Variants in KLHL29 observed in about 807,000 individuals in gnomAD.
KLHL29 encodes kelch like family member 29, also known as kelch-like protein 29.
In KLHL29, 21 loss-of-function variants were observed where a neutral mutation model predicts 80.4. The observed-to-expected ratio is 0.26, with a 90% CI of 0.19 to 0.38. The LOEUF (loss-of-function observed/expected upper bound fraction) is 0.38. Ranked by LOEUF, KLHL29 falls within the 10% of genes least tolerant of loss-of-function variation. The pLI, the probability that KLHL29 is intolerant of heterozygous loss-of-function variation, is 1.00. For synonymous variants in KLHL29, 511 were observed against 526.8 expected (o/e 0.97, Z 0.41); for missense variants, 867 against 1,223.9 (o/e 0.71, Z 4.35).
chr2:23,552,756 C>CTTTTTT (rs1238425324), intron 2 of KLHL29, among the ~76,000 whole-genome samples: 1 of 50,754 alleles, frequency 2.0e-5, no homozygotes, highest in Non-Finnish European at 3.7e-5. Context: ...GCTCTGGTTT[C>CTTTTTT]TTTTCTTTTT....
Position 23,695,431 on chromosome 2 carries a change from G to A in KLHL29, c.1543-192G>A, listed in dbSNP as rs969314589. Among the ~76,000 whole-genome samples, 13 of 151,776 alleles carry A rather than the reference G, an allele frequency of 8.6e-5. No individual in the cohort carries two copies. The highest frequency in any genetic ancestry group is 2.4e-4 in the African/African-American group (10 of 41,320). On this transcript the variant is annotated intron_variant, in intron 8 of 13. Coordinates refer to ENST00000486442, the MANE Select transcript of KLHL29 (RefSeq NM_052920.2). This position sits in a 1 kb window ranked among gnomAD's most constrained non-coding sequence, Gnocchi z 7.6. ...CTCCCCTCCGCACCCCTGCGCTCCC[G>A]GCCCTCCCCTCCACACCTCCAGCTG...
chr2:23,593,594 T>C (rs576193100), intron 3 of KLHL29, among the ~76,000 whole-genome samples: 1 of 152,122 alleles, frequency 6.6e-6, no homozygotes, highest in South Asian at 2.1e-4. Context: ...GGGGCAGTGG[T>C]GCGGAGGAGA....
At chr2:23,649,902 AGT>A (rs1670044749) in intron 5 of KLHL29, among the ~76,000 whole-genome samples, 1 of 152,230 alleles carries the variant, frequency 6.6e-6, no homozygotes, top group South Asian at 2.1e-4. Context: ...GTTCCAGGTC[AGT>A]GACACACGGA....
chr2:23,417,561 A>G (rs1662613818), intron 1 of KLHL29, among the ~76,000 whole-genome samples: 1 of 152,186 alleles, frequency 6.6e-6, no homozygotes, highest in South Asian at 2.1e-4. Context: ...GGAGACACTG[A>G]AGCAGACGGA....
chr2:23,583,761 G>A (rs1668044695), intron 3 of KLHL29, among the ~76,000 whole-genome samples: 1 of 152,208 alleles, frequency 6.6e-6, no homozygotes, highest in Non-Finnish European at 1.5e-5. Flanking sequence ...ATCAGACTCA[G>A]AGAGCATCAG....
intron 5 of KLHL29, among the ~76,000 whole-genome samples, chr2:23,671,440 G>A (rs368105734): frequency 6.6e-6 from 1 of 152,138 alleles, no homozygotes; most frequent in Non-Finnish European, 1.5e-5. Context: ...AGGTCTCCAG[G>A]AAGAACACAA....
chr2:23,681,496 C>T lies in KLHL29; in HGVS notation c.941-2903C>T, dbSNP rs367880988. Among the ~76,000 whole-genome samples the T allele has an allele frequency of 6.5e-4, 99 of 152,218 alleles. No individual in the cohort carries two copies. Among genetic ancestry groups the T allele is most frequent in the African/African-American group, 2.3e-3 (95 of 41,520 alleles). ...GTCTTCAGAAACCCTCAGGATGCCT[C>T]GGGCCCAGAAAGAGTAGGCATTTGT... On this transcript the variant is annotated intron_variant, in intron 5 of 13. Transcript: ENST00000486442. The surrounding 1 kb of genome is among the most constrained non-coding windows in gnomAD (Gnocchi z 4.2).
intron 1 of KLHL29, among the ~76,000 whole-genome samples, chr2:23,420,981 C>CG (rs1031114672): frequency 6.6e-6 from 1 of 152,178 alleles, no homozygotes; most frequent in Non-Finnish European, 1.5e-5. Flanking sequence ...CCTGGCCAGG[C>CG]GCCAGGCCAG....
intron 1 of KLHL29, among the ~76,000 whole-genome samples, chr2:23,386,088 T>G (rs1438142): frequency 0.71 from 107,469 of 151,508 alleles, 38,131 homozygotes; most frequent in South Asian, 0.83. Flanking sequence ...TGCTGGAGGC[T>G]TGTGTGACCC....
intron 2 of KLHL29, among the ~76,000 whole-genome samples, chr2:23,549,460 CT>C (rs879910465): frequency 1.6e-3 from 238 of 145,142 alleles, no homozygotes; most frequent in East Asian, 2.8e-3. Flanking sequence ...GTCTGGGCTT[CT>C]TTTTTTTTTT....
intron 5 of KLHL29, among the ~76,000 whole-genome samples, chr2:23,671,220 C>G (rs1670746023): frequency 6.6e-6 from 1 of 151,970 alleles, no homozygotes; most frequent in Non-Finnish European, 1.5e-5. Context: ...TTTGCTGGAA[C>G]TGTGGCTCTC....
chr2:23,425,435 C>T (rs1417237783), intron 1 of KLHL29, among the ~76,000 whole-genome samples: 1 of 152,208 alleles, frequency 6.6e-6, no homozygotes, highest in Non-Finnish European at 1.5e-5. Flanking sequence ...AAATACCTCT[C>T]TCTCCAGGGC....
intron 1 of KLHL29, among the ~76,000 whole-genome samples, chr2:23,426,655 G>A (rs532847288): frequency 6.6e-6 from 1 of 152,320 alleles, no homozygotes; most frequent in East Asian, 1.9e-4. Flanking sequence ...TCTGAGTCAC[G>A]TCTCTAAATG....
chr2:23,696,136 G>T lies in KLHL29; in HGVS notation c.1924+3G>T. ...AGGGGACAACATCTACCTCTCAGGTGAGGCCCCCCGGGGTTGGGGCGGGAC... is the reference window on the plus strand; with the variant it reads ...AGGGGACAACATCTACCTCTCAGGTTAGGCCCCCCGGGGTTGGGGCGGGAC... On this transcript the variant is annotated splice_donor_region_variant and intron_variant, in intron 10 of 13. Coordinates refer to ENST00000486442, the MANE Select transcript of KLHL29 (RefSeq NM_052920.2). The surrounding 1 kb of genome is among the most constrained non-coding windows in gnomAD (Gnocchi z 5.5). 1 of 1,550,560 alleles carries T rather than the reference G, an allele frequency of 6.4e-7. No individual in the cohort carries two copies.
At chr2:23,692,381 G>C (rs540125652) in intron 7 of KLHL29, among the ~76,000 whole-genome samples, 1 of 152,258 alleles carries the variant, frequency 6.6e-6, no homozygotes, top group African/African-American at 2.4e-5. Flanking sequence ...TCCCGGGGGG[G>C]TCGCTGACCC....
intron 3 of KLHL29, among the ~76,000 whole-genome samples, chr2:23,628,940 T>A (rs1370257073): frequency 2.6e-5 from 4 of 152,218 alleles, no homozygotes; most frequent in Non-Finnish European, 5.9e-5. Flanking sequence ...GAAAATGTCC[T>A]ATCAAAGGCC....
At chr2:23,580,165 T>A (rs1329735403) in intron 3 of KLHL29, among the ~76,000 whole-genome samples, 1 of 151,254 alleles carries the variant, frequency 6.6e-6, no homozygotes, top group Non-Finnish European at 1.5e-5. Context: ...GGTCAGGAGA[T>A]CAAGACCATC....
At chr2:23,656,598 G>A (rs11681314) in intron 5 of KLHL29, among the ~76,000 whole-genome samples, 54,428 of 152,176 alleles carry the variant, frequency 0.36, 11,851 homozygotes, top group East Asian at 0.52. Context: ...TCGCCTTCCC[G>A]TGGCTGAGAG....
At chr2:23,481,259 T>G (rs1664790189) in intron 2 of KLHL29, among the ~76,000 whole-genome samples, 1 of 152,216 alleles carries the variant, frequency 6.6e-6, no homozygotes, top group African/African-American at 2.4e-5. Context: ...GGCCCACCTG[T>G]AGCCTGTGTA....
Sources: allele counts gnomAD v4.1 joint callset (sites outside exome capture counted in the v4.1 genomes callset), GRCh38; gene constraint gnomAD v4.1.1; non-coding constraint Gnocchi (gnomAD v3.1); transcripts MANE v1.5; gene names NCBI Gene and HGNC (gene_info 2026-07-23, HGNC 2026-07-21).